GBP6: variants seen among roughly 807,000 people sequenced by gnomAD.
GBP6 encodes guanylate-binding protein 6.
In GBP6, 54 loss-of-function variants were observed where a neutral mutation model predicts 61.5. The observed-to-expected ratio is 0.88, with a 90% CI of 0.71 to 1.10. The LOEUF is 1.10. Among genes scored for constraint, GBP6 ranks in the 50% least tolerant of loss-of-function variants. GBP6 has a pLI of 0.00. For synonymous variants in GBP6, 255 were observed against 273.7 expected, an observed-to-expected ratio of 0.93 and a Z score of 0.67; for missense variants, 748 against 752.8, an observed-to-expected ratio of 0.99 and a Z score of 0.07.
intron 3 of GBP6, among the ~76,000 whole-genome samples, chr1:89,372,304 G>A (rs1570463103): frequency 6.6e-6 from 1 of 151,818 alleles, no homozygotes; most frequent in Admixed American, 6.6e-5. Flanking sequence ...CAGAGAATTG[G>A]AAAAACTACT....
At chr1:89,371,686 G>T (rs1300217047) in intron 3 of GBP6, among the ~76,000 whole-genome samples, 5 of 152,178 alleles carry the variant, frequency 3.3e-5, no homozygotes, top group African/African-American at 1.2e-4. Flanking sequence ...AGCTATTTAT[G>T]TCAAACCCAC....
intron 3 of GBP6, among the ~76,000 whole-genome samples, chr1:89,371,562 C>A (rs1652642316): frequency 6.6e-6 from 1 of 152,166 alleles, no homozygotes; most frequent in South Asian, 2.1e-4. Flanking sequence ...AACACAAAAA[C>A]CACATGATTA....
In GBP6 at chr1:89,381,784, G is replaced by A. The variant is rs530087862; in HGVS notation, c.962G>A (p.Arg321His). The change falls in exon 7 of 11, where the codon CGT (arginine) becomes CAT (histidine). Residue 321 changes from arginine (R) to histidine (H), a missense_variant. Physicochemically the swap from Arg to His is conservative, Grantham distance 29. Transcript: ENST00000370456. ...AATGCAGTGATAACTCTGGCCCAGCGTGAGAACTCAGCGGCCGTGCAGAGG... is the reference window on the plus strand; with the variant it reads ...AATGCAGTGATAACTCTGGCCCAGCATGAGAACTCAGCGGCCGTGCAGAGG... Reference protein sequence around the residue: ...LENAVITLAQRENSAAVQRAA... With the variant: ...LENAVITLAQHENSAAVQRAA... 42 of 1,614,130 alleles carry A rather than the reference G, an allele frequency of 2.6e-5. No homozygotes were observed. The highest frequency in any genetic ancestry group is 8.0e-5 in the African/African-American group (6 of 75,014).
At chr1:89,371,149 C>G (rs1652625687) in intron 3 of GBP6, among the ~76,000 whole-genome samples, 1 of 152,148 alleles carries the variant, frequency 6.6e-6, no homozygotes, top group African/African-American at 2.4e-5. Context: ...CAGTGTTCAT[C>G]TATGTTGTTG....
At chr1:89,380,105 T>A (rs1014982344) in intron 5 of GBP6, among the ~76,000 whole-genome samples, 7 of 152,192 alleles carry the variant, frequency 4.6e-5, no homozygotes, top group Admixed American at 3.3e-4. Flanking sequence ...GCCACTGCCC[T>A]CTAGCCTGGG....
intron 6 of GBP6, among the ~76,000 whole-genome samples, chr1:89,381,156 A>T (rs771310321): frequency 3.3e-5 from 5 of 151,344 alleles, no homozygotes; most frequent in Non-Finnish European, 2.9e-5. Context: ...ATGGTGGCAC[A>T]TACTTGTATT....
intron 10 of GBP6, among the ~76,000 whole-genome samples, chr1:89,384,726 T>C (rs1186992105): frequency 6.6e-6 from 1 of 152,182 alleles, no homozygotes; most frequent in African/African-American, 2.4e-5. Flanking sequence ...CTTAGAAATT[T>C]CCAGACTTAA....
intron 1 of GBP6, among the ~76,000 whole-genome samples, chr1:89,367,919 G>A (rs1271623489): frequency 6.6e-6 from 1 of 152,174 alleles, no homozygotes; most frequent in Non-Finnish European, 1.5e-5. Flanking sequence ...CAAACAAAAT[G>A]CCATGAAATC....
rs964307184 is a variant in GBP6 at position 89,382,949 on chromosome 1, A to G, written c.1365+73A>G. ...GAGTCTTCAGCACCAGCCGTGGGTA[A>G]TAAGAGAGCAGAGGGATAGCATAAC... is the stretch of plus-strand genomic sequence containing the variant. On this transcript the variant is annotated intron_variant, in intron 8 of 10. Coordinates refer to ENST00000370456, the MANE Select transcript of GBP6 (RefSeq NM_198460.3). 19 of 927,892 alleles carry G rather than the reference A, an allele frequency of 2.0e-5. No individual in the cohort carries two copies. In the East Asian group the frequency reaches 4.6e-4, roughly 22 times the overall value. The allele number at this position is 927,892 out of a possible 1,614,324, so 57.5% of individuals were successfully genotyped here. A position where few individuals can be genotyped will look rare whatever the true frequency, so the allele number is the denominator to read the frequency against.
chr1:89,371,708 G>C lies in GBP6; in HGVS notation c.318+2035G>C, dbSNP rs1371675161. 3.9e-5 allele frequency among the ~76,000 whole-genome samples: 6 copies of C among 152,260 alleles called. No homozygotes were observed. In the East Asian group the frequency reaches 1.2e-3, roughly 29 times the overall value. On this transcript the variant is annotated intron_variant, in intron 3 of 10. Transcript: ENST00000370456. ...TATGTCAAACCCACAGCCAATATCA[G>C]ACTGAATGGACAAAAACTGGAAGCA...
chr1:89,385,228 A>G lies in GBP6; in HGVS notation c.1663-2A>G. The G allele has an allele frequency of 6.2e-7, 1 of 1,611,136 alleles. No homozygotes were observed. ...TTACTTTCCTTCCTACATTGTCTTT[A>G]GGTCCAAAATGATTGGCTTCATGAA... On this transcript the variant is annotated splice_acceptor_variant, in intron 10 of 10. Coordinates refer to ENST00000370456, the MANE Select transcript of GBP6 (RefSeq NM_198460.3). LOFTEE classifies it high-confidence loss of function.
rs1461377165 is a variant in GBP6, at chr1:89,386,703, G to A, written c.*1234G>A. On this transcript the variant is annotated 3_prime_UTR_variant, in exon 11 of 11. Coordinates refer to ENST00000370456, the MANE Select transcript of GBP6 (RefSeq NM_198460.3). ...TCTGAATTCAAGTTTTAAGGTGTTA[G>A]AAGCATAAATTACCAAACATTAAGA... Among the ~76,000 whole-genome samples the A allele has an allele frequency of 2.0e-5, 3 of 152,162 alleles. No homozygotes were observed. The highest frequency in any genetic ancestry group is 4.4e-5 in the Non-Finnish European group (3 of 68,038).
rs924189355 is a variant in GBP6 at position 89,369,778 on chromosome 1, T to C, written c.318+105T>C. ...AAACTAGAAATCCAACTATAGCAAA[T>C]AAGGCAAACTTTGACCTGTTTGAAT... On this transcript the variant is annotated intron_variant, in intron 3 of 10. Transcript: ENST00000370456. 213 of 1,371,922 alleles carry C rather than the reference T, an allele frequency of 1.6e-4. 1 individual carries two copies. The highest frequency in any genetic ancestry group is 1.9e-4 in the Non-Finnish European group (196 of 1,021,770). 85.0% of individuals were successfully genotyped at this position (1,371,922 alleles called of 1,614,324 possible).
Position 89,380,306 on chromosome 1 carries a change from T to G in GBP6, c.626-80T>G, listed in dbSNP as rs114499864. On this transcript the variant is annotated intron_variant, in intron 5 of 10. Coordinates refer to ENST00000370456, the MANE Select transcript of GBP6 (RefSeq NM_198460.3). ...AGCATAGAAGATGGCAAAAAGACAA[T>G]ACACCCTATCAAAAATACCTTTAGC... is the stretch of plus-strand genomic sequence containing the variant. The G allele has an allele frequency of 1.8e-4, 235 of 1,292,472 alleles. No individual in the cohort carries two copies. The African/African-American group carries it at 3.2e-3, about 18-fold the overall frequency. The allele number at this position is 1,292,472 out of a possible 1,614,324, so 80.1% of individuals were successfully genotyped here.
rs142400726 is a variant in GBP6 at position 89,385,371 on chromosome 1, G to A, written c.1804G>A (p.Asp602Asn). Residue 602 changes from aspartate (D) to asparagine (N), a missense_variant, in exon 11 of 11, where the codon GAT (aspartate) becomes AAT (asparagine). Physicochemically the swap from Asp to Asn is conservative, Grantham distance 23. Transcript: ENST00000370456. ...TGCACGAACCTTGGACAACCTTGCC[G>A]ATGAGCTAACTGCAATATTGTCTGC... ...WIARTLDNLA[D>N]ELTAILSAPA... 129 of 1,613,970 alleles carry A rather than the reference G, an allele frequency of 8.0e-5. No individual in the cohort carries two copies. The African/African-American group carries it at 8.4e-4, about 11-fold the overall frequency.
intron 5 of GBP6, 138 bp from the exon 6 acceptor site, chr1:89,380,248 A>G (rs1434473547): frequency 5.9e-6 from 4 of 675,444 alleles, no homozygotes; most frequent in Admixed American, 5.5e-5. Flanking sequence ...TGTGCACAGA[A>G]GTATTTAATT....
At chr1:89,377,471 T>C (rs949497518) in intron 3 of GBP6, among the ~76,000 whole-genome samples, 1 of 152,216 alleles carries the variant, frequency 6.6e-6, no homozygotes, top group Non-Finnish European at 1.5e-5. Flanking sequence ...TCATAGCTCT[T>C]ATCTTCCTGG....
chr1:89,364,712 T>C (rs113369203), intron 1 of GBP6, among the ~76,000 whole-genome samples: 12,696 of 149,414 alleles, frequency 0.085, 791 homozygotes, highest in Non-Finnish European at 0.13. Flanking sequence ...CATCAGAGTC[T>C]CTTGTAGCTC....
chr1:89,384,844 G>A (rs1412868855), intron 10 of GBP6, among the ~76,000 whole-genome samples: 3 of 152,194 alleles, frequency 2.0e-5, no homozygotes, highest in Non-Finnish European at 2.9e-5. Context: ...TTGTCCATCT[G>A]AAAGTTCTCT....
Sources: allele counts gnomAD v4.1 joint callset (sites outside exome capture counted in the v4.1 genomes callset), GRCh38; gene constraint gnomAD v4.1.1; transcripts MANE v1.5; gene names NCBI Gene and HGNC (gene_info 2026-07-23, HGNC 2026-07-21).